Variants in CNKSR2 observed in about 807,000 individuals in gnomAD.
CNKSR2 encodes CNK homolog protein 2.
A neutral mutation model predicts 84.4 loss-of-function variants in CNKSR2; 14 were observed. The observed-to-expected ratio is 0.17, with a 90% CI of 0.11 to 0.26. The LOEUF (loss-of-function observed/expected upper bound fraction) is 0.26. CNKSR2 is among the 10% of genes least tolerant of loss of function. CNKSR2 has a pLI of 1.00. For missense variants in CNKSR2, 485 were observed against 771.2 expected, an observed-to-expected ratio of 0.63 and a Z score of 4.40; for synonymous variants, 275 against 277.9, an observed-to-expected ratio of 0.99 and a Z score of 0.10.
chrX:21,451,472 G>A (rs2090927887), intron 4 of CNKSR2, among the ~76,000 whole-genome samples: 1 of 109,965 alleles, frequency 9.1e-6, no homozygotes, highest in Admixed American at 9.7e-5. Flanking sequence ...TGATAGACTG[G>A]ATTAAGAAAA....
At chrX:21,543,044 C>T (rs192592450) in intron 11 of CNKSR2, among the ~76,000 whole-genome samples, 15 of 112,482 alleles carry the variant, frequency 1.3e-4, no homozygotes, top group African/African-American at 4.5e-4. Flanking sequence ...AAATAGCAAA[C>T]GGCTTGAGTG....
chrX:21,614,452 T>G (rs898921702), intron 20 of CNKSR2, among the ~76,000 whole-genome samples: 8 of 111,463 alleles, frequency 7.2e-5, no homozygotes, highest in Non-Finnish European at 1.1e-4. Context: ...AGGGAGTAGA[T>G]GGAGAAGGAT....
At position 21,628,932 on chromosome X, in the gene CNKSR2, C is replaced by G. The variant is rs144923952; in HGVS notation, c.2692+19315C>G. ...TGGGATTTTCTTTTCTATCACTTAT[C>G]AGGCTGCAAATTTTCCAAACTTTTA... On this transcript the variant is annotated intron_variant, in intron 20 of 21. Transcript: ENST00000379510. Among the ~76,000 whole-genome samples the G allele has an allele frequency of 7.1e-5, 8 of 112,500 alleles. No individual in the cohort carries two copies. The East Asian group carries it at 2.0e-3, about 28-fold the overall frequency.
chrX:21,456,075 G>A lies in CNKSR2; in HGVS notation c.520-14691G>A, dbSNP rs567287914. Among the ~76,000 whole-genome samples, 12 of 111,502 alleles carry A rather than the reference G, an allele frequency of 1.1e-4. No individual in the cohort carries two copies. The South Asian group carries it at 4.5e-3, about 42-fold the overall frequency. ...TATATTTTTCCAGCTCTATTGAGGT[G>A]TGATTGACACATTAAAATTGTACAT... On this transcript the variant is annotated intron_variant, in intron 4 of 21. Coordinates refer to ENST00000379510, the MANE Select transcript of CNKSR2 (RefSeq NM_014927.5).
chrX:21,394,649 C>T (rs1386623085), intron 1 of CNKSR2, among the ~76,000 whole-genome samples: 3 of 111,368 alleles, frequency 2.7e-5, no homozygotes, highest in Non-Finnish European at 3.8e-5. Flanking sequence ...CAGTAGTAAA[C>T]CGTGTATATC....
intron 20 of CNKSR2, chrX:21,644,710 A>G (rs1313081890): frequency 8.9e-6 from 1 of 111,834 alleles, no homozygotes. Context: ...AGTAGGGCAC[A>G]CAAGGGTCCA....
At chrX:21,472,875 ATCTCT>A (rs1239410899) in intron 5 of CNKSR2, among the ~76,000 whole-genome samples, 5 of 111,332 alleles carry the variant, frequency 4.5e-5, no homozygotes, top group African/African-American at 1.6e-4. Flanking sequence ...TAAGGAAATA[ATCTCT>A]TTGGGGTTAT....
At chrX:21,414,520 G>A (rs1234480442) in intron 1 of CNKSR2, among the ~76,000 whole-genome samples, 1 of 110,190 alleles carries the variant, frequency 9.1e-6, no homozygotes, top group Non-Finnish European at 1.9e-5. Flanking sequence ...CATTTTGTGG[G>A]TTGTCTCTTC....
intron 20 of CNKSR2, among the ~76,000 whole-genome samples, chrX:21,619,316 G>A (rs1307485143): frequency 8.9e-6 from 1 of 111,889 alleles, no homozygotes; most frequent in African/African-American, 3.2e-5. Flanking sequence ...TATAATCATT[G>A]TAGAATTTTA....
At chrX:21,638,412 A>T (rs1602064516) in intron 20 of CNKSR2, among the ~76,000 whole-genome samples, 1 of 112,272 alleles carries the variant, frequency 8.9e-6, no homozygotes, top group East Asian at 2.8e-4. Context: ...ATCCTCCTCA[A>T]GATTTCCTAT....
Position 21,445,839 on chromosome X carries a change from A to G in CNKSR2, c.519+5058A>G, listed in dbSNP as rs184850403. On this transcript the variant is annotated intron_variant, in intron 4 of 21. Transcript: ENST00000379510. ...TACATATACCACGTTTTCTTCATCT[A>G]TTCATCTGTTGATTAACATTTAGGT... 6.2e-4 allele frequency among the ~76,000 whole-genome samples: 69 copies of G among 111,801 alleles called. 1 individual carries two copies. In the South Asian group the frequency reaches 6.2e-3, roughly 10 times the overall value.
Position 21,497,757 on chromosome X carries a change from C to T in CNKSR2, c.682-30C>T, listed in dbSNP as rs751332354. Reference sequence around the variant, plus strand: ...ACTTGAAAATTCACCAATTGCTTCACTTTCTTTTCTGATGCTGTCTTTTTC... The same window carrying T: ...ACTTGAAAATTCACCAATTGCTTCATTTTCTTTTCTGATGCTGTCTTTTTC... On this transcript the variant is annotated intron_variant, in intron 6 of 21. Transcript: ENST00000379510. 5.6e-6 allele frequency: 4 copies of T among 715,149 alleles called. No homozygotes were observed. In the South Asian group the frequency reaches 6.8e-5, roughly 12 times the overall value. 58.9% of individuals were successfully genotyped at this position (715,149 alleles called of 1,213,427 possible).
intron 1 of CNKSR2, among the ~76,000 whole-genome samples, chrX:21,386,018 C>CAAAA (rs1179082753): frequency 4.4e-4 from 9 of 20,452 alleles, no homozygotes; most frequent in Admixed American, 1.4e-3. Context: ...TGGATGTAGG[C>CAAAA]AAAAAAAAAA....
Position 21,503,715 on chromosome X carries a change from G to A in CNKSR2, c.810+2127G>A, listed in dbSNP as rs780006804. On this transcript the variant is annotated intron_variant, in intron 8 of 21. Transcript: ENST00000379510. ...GGTAGGAGAAGAAGAAAGGAAGTGA[G>A]AATTTACATAGCTGGGATAGCGAGC... 4 of 114,260 alleles carry A rather than the reference G, an allele frequency of 3.5e-5. No individual in the cohort carries two copies. In the South Asian group the frequency reaches 1.5e-3, roughly 42 times the overall value. The allele number at this position is 114,260 out of a possible 1,213,427, so 9.4% of individuals were successfully genotyped here. A position where few individuals can be genotyped will look rare whatever the true frequency, so the allele number is the denominator to read the frequency against.
At chrX:21,501,397 C>T in intron 7 of CNKSR2, 123 bp from the exon 8 acceptor site, 3 of 367,254 alleles carry the variant, frequency 8.2e-6, no homozygotes, top group South Asian at 9.7e-5. Context: ...GCTTTAATTC[C>T]TTGAAATTTT....
At chrX:21,551,866 GATTGCCTT>G (rs903067692) in intron 11 of CNKSR2, among the ~76,000 whole-genome samples, 1 of 111,502 alleles carries the variant, frequency 9.0e-6, no homozygotes, top group Admixed American at 9.5e-5. Flanking sequence ...GCACAGAGGT[GATTGCCTT>G]ATATTTTTTT....
chrX:21,651,891 A>T (rs1257552478), intron 21 of CNKSR2, among the ~76,000 whole-genome samples: 1 of 112,264 alleles, frequency 8.9e-6, no homozygotes, highest in African/African-American at 3.2e-5. Context: ...AAGCAGGAGA[A>T]ATAGAACACA....
chrX:21,642,226 ACTG>A (rs1421619218), intron 20 of CNKSR2: 130 of 750,039 alleles, frequency 1.7e-4, no homozygotes, highest in Non-Finnish European at 2.0e-4. Flanking sequence ...CAACACAGAG[ACTG>A]CTTTCGGTGA....
intron 1 of CNKSR2, among the ~76,000 whole-genome samples, chrX:21,411,070 A>T (rs1417518990): frequency 9.0e-6 from 1 of 111,331 alleles, no homozygotes; most frequent in African/African-American, 3.3e-5. Flanking sequence ...CATATTTAAT[A>T]AGATGCATAT....
Sources: gnomAD v4.1 joint callset for allele counts (sites outside exome capture counted in the v4.1 genomes callset) on GRCh38, gnomAD v4.1.1 for gene constraint, MANE v1.5 for transcripts, NCBI Gene and HGNC (gene_info 2026-07-23, HGNC 2026-07-21) for gene names.